The following ANKIB1 variants were observed in gnomAD, a reference collection of about 807,000 sequenced individuals.
ANKIB1 encodes the protein ankyrin repeat and IBR domain containing 1.
A neutral mutation model predicts 122.1 loss-of-function variants in ANKIB1; 43 were observed. The observed-to-expected ratio is 0.35, with a 90% confidence interval of 0.28 to 0.45. ANKIB1 has a LOEUF of 0.45. Among genes scored for constraint, ANKIB1 ranks in the 20% least tolerant of loss-of-function variants. The pLI is 1.00. For missense variants in ANKIB1, 992 were observed against 1,329.5 expected, an observed-to-expected ratio of 0.75 and a Z score of 3.95; for synonymous variants, 390 against 442.0, an observed-to-expected ratio of 0.88 and a Z score of 1.48.
At chr7:92,349,197 G>A (rs75624974) in intron 7 of ANKIB1, among the ~76,000 whole-genome samples, 15,853 of 152,184 alleles carry the variant, frequency 0.1, 1,006 homozygotes, top group East Asian at 0.36. Context: ...CTGGCCAGAG[G>A]ATTTGAGGAT....
At chr7:92,381,248 A>G (rs1222348727) in intron 11 of ANKIB1, among the ~76,000 whole-genome samples, 2 of 152,208 alleles carry the variant, frequency 1.3e-5, no homozygotes, top group Non-Finnish European at 2.9e-5. Context: ...GTGTGAAAAC[A>G]CCAAATATAC....
chr7:92,397,733 A>C lies in ANKIB1; in HGVS notation c.2406A>C (p.Glu802Asp). ...ATTGCTTTGAAACAGATATTCCAGA[A>C]GGCGGCAGCAGCAGCCGCAGGCCTG... is the stretch of plus-strand genomic sequence containing the variant. ...EPSESTLDIP[E>D]GGSSSRRPGT... Residue 802 changes from glutamate to aspartate, a missense_variant, in exon 19 of 20, where the codon GAA (glutamate) becomes GAC (aspartate). Glu to Asp is a conservative substitution (Grantham distance 45). Transcript: ENST00000265742. 1 of 1,611,362 alleles carries C rather than the reference A, an allele frequency of 6.2e-7. No homozygotes were observed. Among genetic ancestry groups the C allele is most frequent in the Non-Finnish European group, 8.5e-7 (1 of 1,179,008 alleles).
chr7:92,350,988 A>G lies in ANKIB1; in HGVS notation c.1124A>G (p.Asn375Ser), dbSNP rs769388702. The G allele has an allele frequency of 3.7e-6, 6 of 1,607,324 alleles. No homozygotes were observed. Among genetic ancestry groups the G allele is most frequent in the Non-Finnish European group, 4.2e-6 (5 of 1,176,888 alleles). ...AAAATTCAAGAAGGTGAAGCTCACA[A>G]CATTTTTTGCCCTGCATATGATTGC... ...NLKIQEGEAH[N>S]IFCPAYDCFQ... is the part of the protein sequence containing the mutation. Residue 375 changes from asparagine (N) to serine (S), a missense_variant, in exon 8 of 20, where the codon AAC (asparagine) becomes AGC (serine). By Grantham distance (46) the Asn-to-Ser change is conservative. Around this residue, in one of 4 missense-constraint regions of ANKIB1, gnomAD observed 521 missense variants for 777.7 expected, o/e 0.67. Transcript: ENST00000265742.
intron 11 of ANKIB1, among the ~76,000 whole-genome samples, chr7:92,381,849 C>T (rs936297271): frequency 1.3e-5 from 2 of 152,118 alleles, no homozygotes; most frequent in South Asian, 4.1e-4. Context: ...GGCAAAATAA[C>T]CAGCTAACAT....
At chr7:92,369,843 G>GA (rs1390570152) in intron 10 of ANKIB1, among the ~76,000 whole-genome samples, 1 of 152,126 alleles carries the variant, frequency 6.6e-6, no homozygotes, top group Admixed American at 6.5e-5. Context: ...ATTCTTGCAG[G>GA]AAAAAAATTT....
chr7:92,327,773 CT>C lies in ANKIB1; in HGVS notation c.670-6del, dbSNP rs752456592. 3.0e-5 allele frequency: 45 copies of C among 1,490,280 alleles called. No individual in the cohort carries two copies. In the East Asian group the frequency reaches 9.4e-4, roughly 31 times the overall value. The allele number at this position is 1,490,280 out of a possible 1,614,324, so 92.3% of individuals were successfully genotyped here. A position where few individuals can be genotyped will look rare whatever the true frequency, so the allele number is the denominator to read the frequency against. On this transcript the variant is annotated splice_polypyrimidine_tract_variant and intron_variant, in intron 4 of 19. Transcript: ENST00000265742. ...ATGCCCATTTAACTTTATTTTTTTT[CT>C]TTTCAAAGCCATATGAAGGATTAAG... is the stretch of plus-strand genomic sequence containing the variant.
rs755065018 is a variant in ANKIB1 at position 92,398,657 on chromosome 7, C to A, written c.2978C>A (p.Thr993Lys). ...QSIALIPPATTEISADSQLPC... is the reference protein window; with the variant it reads ...QSIALIPPATKEISADSQLPC... Reference sequence around the variant, plus strand: ...ATTGCCCTGATTCCTCCAGCAACTACAGAAATCAGTGCAGATTCCCAGCTC... The same window carrying A: ...ATTGCCCTGATTCCTCCAGCAACTAAAGAAATCAGTGCAGATTCCCAGCTC... The change falls in exon 20 of 20, where the codon ACA (threonine) becomes AAA (lysine). Residue 993 changes from threonine to lysine, a missense_variant. Around this residue, in one of 4 missense-constraint regions of ANKIB1, gnomAD observed 384 missense variants for 412.0 expected, o/e 0.93. Coordinates refer to ENST00000265742, the MANE Select transcript of ANKIB1 (RefSeq NM_019004.2). 1.2e-6 allele frequency: 2 copies of A among 1,613,920 alleles called. No homozygotes were observed. Among genetic ancestry groups the A allele is most frequent in the African/African-American group, 2.7e-5 (2 of 75,024 alleles).
chr7:92,251,444 C>T (rs1801329216), intron 1 of ANKIB1, among the ~76,000 whole-genome samples: 1 of 152,146 alleles, frequency 6.6e-6, no homozygotes, highest in African/African-American at 2.4e-5. Flanking sequence ...AGGTGATTCA[C>T]ATTTGCTGTA....
intron 10 of ANKIB1, among the ~76,000 whole-genome samples, chr7:92,362,702 A>G (rs567921913): frequency 3.9e-5 from 6 of 152,344 alleles, no homozygotes; most frequent in Admixed American, 6.5e-5. Context: ...ATGTGGTTCT[A>G]TAGATTTACT....
chr7:92,260,366 C>T (rs1056238183), intron 1 of ANKIB1, among the ~76,000 whole-genome samples: 9 of 152,192 alleles, frequency 5.9e-5, no homozygotes, highest in Admixed American at 1.3e-4. Context: ...CACTACATCA[C>T]CTTCTTTAGC....
At chr7:92,342,883 T>C (rs1803466565) in intron 5 of ANKIB1, 141 bp from the exon 6 acceptor site, 1 of 670,778 alleles carries the variant, frequency 1.5e-6, no homozygotes, top group Non-Finnish European at 2.6e-6. Context: ...TACCTAGACA[T>C]TCATTTGCAG....
In ANKIB1 at chr7:92,291,630, G is replaced by A. The variant is rs149185434; in HGVS notation, c.-90-3259G>A. On this transcript the variant is annotated intron_variant, in intron 1 of 19. Coordinates refer to ENST00000265742, the MANE Select transcript of ANKIB1 (RefSeq NM_019004.2). The stretch of plus-strand genomic sequence containing the variant: ...CTGTGGCCTGGGCCTGGGCTGGAGC[G>A]CAGTGGCGTGATCTCAGCTCGCTGC... Among the ~76,000 whole-genome samples, 128 of 147,006 alleles carry A rather than the reference G, an allele frequency of 8.7e-4. No individual in the cohort carries two copies. The East Asian group carries it at 0.014, about 16-fold the overall frequency.
chr7:92,253,417 ACT>A (rs1801371170), intron 1 of ANKIB1, among the ~76,000 whole-genome samples: 1 of 151,940 alleles, frequency 6.6e-6, no homozygotes, highest in Admixed American at 6.6e-5. Context: ...TGGGCCTATG[ACT>A]CTGTGCAACT....
At chr7:92,379,753 AAAAAT>A (rs1356129820) in intron 11 of ANKIB1, among the ~76,000 whole-genome samples, 1 of 152,220 alleles carries the variant, frequency 6.6e-6, no homozygotes, top group Admixed American at 6.5e-5. Context: ...AGTTTCTTTA[AAAAAT>A]AAAATAAACC....
chr7:92,355,342 GAC>G (rs2115575789), intron 9 of ANKIB1, among the ~76,000 whole-genome samples: 1 of 151,696 alleles, frequency 6.6e-6, no homozygotes, highest in Admixed American at 6.5e-5. Context: ...TCTTCTCTGA[GAC>G]AACTCTTCAC....
At chr7:92,381,815 A>G (rs1261600369) in intron 11 of ANKIB1, among the ~76,000 whole-genome samples, 2 of 152,206 alleles carry the variant, frequency 1.3e-5, no homozygotes, top group Non-Finnish European at 2.9e-5. Flanking sequence ...CATCGATGCT[A>G]GGAAGAAACT....
intron 14 of ANKIB1, among the ~76,000 whole-genome samples, chr7:92,389,747 G>A (rs1280914120): frequency 6.6e-6 from 1 of 152,126 alleles, no homozygotes; most frequent in African/African-American, 2.4e-5. Context: ...TTCCTGGGCT[G>A]CTGGGGCATA....
chr7:92,306,952 TAAA>T (rs973647209), intron 2 of ANKIB1, among the ~76,000 whole-genome samples: 1 of 152,166 alleles, frequency 6.6e-6, no homozygotes, highest in Non-Finnish European at 1.5e-5. Flanking sequence ...ATCAGAGCAA[TAAA>T]AGAAGAATTA....
intron 4 of ANKIB1, among the ~76,000 whole-genome samples, chr7:92,323,288 G>A (rs1013015541): frequency 1.7e-4 from 26 of 152,030 alleles, no homozygotes; most frequent in African/African-American, 6.3e-4. Context: ...AATATTATCA[G>A]TGTTATTATT....
Sources: gnomAD v4.1 joint callset for allele counts (sites outside exome capture counted in the v4.1 genomes callset) on GRCh38, gnomAD v4.1.1 for gene constraint, gnomAD v4.1.1 regional missense constraint, MANE v1.5 for transcripts, NCBI Gene and HGNC (gene_info 2026-07-23, HGNC 2026-07-21) for gene names.